The following PATJ variants were observed in gnomAD, a reference collection of about 807,000 sequenced individuals.
PATJ encodes the protein PATJ crumbs cell polarity complex component, also known as inaD-like protein.
A neutral mutation model predicts 224.9 loss-of-function variants in PATJ; 190 were observed. The ratio of observed to expected loss-of-function variants is 0.84; its 90% CI spans 0.75 to 0.95. PATJ has a LOEUF of 0.95. Among genes scored for constraint, PATJ ranks in the 40% least tolerant of loss-of-function variants. The probability of loss-of-function intolerance (pLI) is 0.00; values close to 1 mark genes in which losing one functional copy is unlikely to be tolerated. For synonymous variants in PATJ, 769 were observed against 820.3 expected (o/e 0.94, Z 1.07); for missense variants, 2,121 against 2,270.3 (o/e 0.93, Z 1.34).
At chr1:62,127,094 A>C (rs1203560592) in intron 39 of PATJ, among the ~76,000 whole-genome samples, 3 of 152,122 alleles carry the variant, frequency 2.0e-5, no homozygotes, top group African/African-American at 4.8e-5. Context: ...CAGGAATGGG[A>C]ATATGCGGGC....
At chr1:61,746,939 T>C (rs778039874) in intron 1 of PATJ, among the ~76,000 whole-genome samples, 4 of 152,218 alleles carry the variant, frequency 2.6e-5, no homozygotes, top group Non-Finnish European at 5.9e-5. Context: ...TCTGAGACAA[T>C]GACTCAGCAT....
intron 33 of PATJ, among the ~76,000 whole-genome samples, chr1:62,097,682 G>T (rs1038888326): frequency 1.3e-5 from 2 of 152,214 alleles, no homozygotes; most frequent in Non-Finnish European, 2.9e-5. Context: ...GCACAGCTGA[G>T]CCCAGCCTAA....
chr1:62,124,318 A>G (rs972881612), intron 39 of PATJ, among the ~76,000 whole-genome samples: 4 of 152,014 alleles, frequency 2.6e-5, no homozygotes, highest in Non-Finnish European at 4.4e-5. Flanking sequence ...CCTGCCCTCA[A>G]TCGATCCGAC....
chr1:61,959,750 T>A (rs1327975236), intron 27 of PATJ, among the ~76,000 whole-genome samples: 3 of 152,138 alleles, frequency 2.0e-5, no homozygotes, highest in Admixed American at 2.0e-4. Context: ...TTTTTTAGAA[T>A]GGTTCTGTCA....
chr1:61,827,711 A>T, intron 16 of PATJ, 128 bp downstream of exon 16: 1 of 733,158 alleles, frequency 1.4e-6, no homozygotes, highest in African/African-American at 1.8e-5. Context: ...GACTAAGGCA[A>T]CAATGCATAG....
chr1:62,073,114 A>G, intron 31 of PATJ: 1 of 985,336 alleles, frequency 1.0e-6, no homozygotes, highest in Non-Finnish European at 1.2e-6. Flanking sequence ...CTTGTACTTT[A>G]GGTTTTGCTC....
intron 29 of PATJ, among the ~76,000 whole-genome samples, chr1:62,034,958 CTATT>C (rs1337483052): frequency 6.6e-6 from 1 of 152,124 alleles, no homozygotes; most frequent in Non-Finnish European, 1.5e-5. Context: ...GAAAAGTCAC[CTATT>C]TAATTACTGC....
intron 28 of PATJ, among the ~76,000 whole-genome samples, chr1:62,003,318 C>G (rs1645901814): frequency 6.6e-6 from 1 of 152,148 alleles, no homozygotes; most frequent in Non-Finnish European, 1.5e-5. Context: ...AAAAACATGT[C>G]AGGGTTTAGA....
chr1:61,871,501 A>ATATATGTGTATATG, intron 20 of PATJ, among the ~76,000 whole-genome samples: 1 of 140,288 alleles, frequency 7.1e-6, no homozygotes, highest in Admixed American at 7.3e-5. Flanking sequence ...ATGTATATAT[A>ATATATGTGTATATG]CATATATACG....
intron 12 of PATJ, among the ~76,000 whole-genome samples, chr1:61,801,982 A>G (rs1180939494): frequency 6.6e-6 from 1 of 150,682 alleles, no homozygotes; most frequent in African/African-American, 2.4e-5. Context: ...ACATGTGCAC[A>G]ACGTGCAGGT....
chr1:61,869,186 A>T, intron 20 of PATJ, among the ~76,000 whole-genome samples: 1 of 142,606 alleles, frequency 7.0e-6, no homozygotes. Flanking sequence ...GGCTCACTGC[A>T]AGCTCCGCCT....
chr1:61,820,880 A>G (rs1188265622), intron 14 of PATJ, among the ~76,000 whole-genome samples: 1 of 152,022 alleles, frequency 6.6e-6, no homozygotes, highest in Non-Finnish European at 1.5e-5. Flanking sequence ...ATACAGAAGC[A>G]TTTCTCTGAG....
At chr1:62,058,407 C>T (rs1239477098) in intron 31 of PATJ, among the ~76,000 whole-genome samples, 1 of 152,158 alleles carries the variant, frequency 6.6e-6, no homozygotes, top group East Asian at 1.9e-4. Context: ...AACAGCGTCA[C>T]GTGTTACAAA....
At chr1:61,830,688 G>A (rs1324815936) in intron 16 of PATJ, among the ~76,000 whole-genome samples, 2 of 152,086 alleles carry the variant, frequency 1.3e-5, no homozygotes, top group Admixed American at 6.6e-5. Context: ...TAGACACATA[G>A]ACCAATGGAA....
intron 27 of PATJ, among the ~76,000 whole-genome samples, chr1:61,977,711 T>C (rs1644217386): frequency 6.6e-6 from 1 of 151,650 alleles, no homozygotes; most frequent in Non-Finnish European, 1.5e-5. Context: ...TTACATCTCT[T>C]TTTAAAAAAG....
chr1:61,871,437 G>A (rs201204415), intron 20 of PATJ, among the ~76,000 whole-genome samples: 28,875 of 106,824 alleles, frequency 0.27, 5,060 homozygotes, highest in East Asian at 0.74. Context: ...ATATATATGT[G>A]TATATACACA....
intron 15 of PATJ, among the ~76,000 whole-genome samples, chr1:61,826,153 A>G (rs1658210409): frequency 6.6e-6 from 1 of 152,202 alleles, no homozygotes. Flanking sequence ...TTTGTAAATA[A>G]TTAAGAGGCA....
intron 33 of PATJ, 99 bp from the exon 34 acceptor site, chr1:62,108,334 AACAT>A (rs1204173214): frequency 8.2e-5 from 45 of 549,322 alleles, no homozygotes; most frequent in Middle Eastern, 9.1e-4. Flanking sequence ...GATAAAATAT[AACAT>A]TATTAACAAA....
chr1:61,926,973 C>A (rs1371975744), intron 26 of PATJ, among the ~76,000 whole-genome samples: 1 of 152,122 alleles, frequency 6.6e-6, no homozygotes, highest in African/African-American at 2.4e-5. Context: ...TTCTTTTTAG[C>A]AGCTTGAGTC....
Sources: gnomAD v4.1 joint callset for allele counts (sites outside exome capture counted in the v4.1 genomes callset) on GRCh38, gnomAD v4.1.1 for gene constraint, MANE v1.5 for transcripts, NCBI Gene and HGNC (gene_info 2026-07-23, HGNC 2026-07-21) for gene names.